Variants in SPAG16 observed in about 807,000 individuals in gnomAD.
SPAG16 encodes sperm associated antigen 16.
Under a neutral mutation model 80.4 loss-of-function variants are expected in SPAG16, and 86 were observed. That is an observed-to-expected ratio of 1.07 (90% CI 0.90 to 1.28). The LOEUF is 1.28. Among genes scored for constraint, SPAG16 ranks in the 50% most tolerant of loss-of-function variants. The pLI is 0.00. For missense variants in SPAG16, 870 were observed against 765.3 expected (o/e 1.14, Z -1.61); for synonymous variants, 294 against 265.9 (o/e 1.11, Z -1.03).
At chr2:213,970,347 C>A (rs1013529658) in intron 12 of SPAG16, among the ~76,000 whole-genome samples, 25 of 150,748 alleles carry the variant, frequency 1.7e-4, no homozygotes. Flanking sequence ...TATTGTGTTA[C>A]CCAGGCTGGA....
At chr2:213,541,820 G>A (rs149422971) in intron 10 of SPAG16, among the ~76,000 whole-genome samples, 1 of 151,768 alleles carries the variant, frequency 6.6e-6, no homozygotes, top group Non-Finnish European at 1.5e-5. Context: ...TCTATAGAAA[G>A]AAATGTTTTT....
intron 10 of SPAG16, among the ~76,000 whole-genome samples, chr2:213,802,818 G>A (rs762382054): frequency 6.6e-6 from 1 of 151,770 alleles, no homozygotes; most frequent in Non-Finnish European, 1.5e-5. Flanking sequence ...TAATCTTAAT[G>A]TCTTCCTTTC....
At chr2:213,325,444 T>G (rs1430819283) in intron 5 of SPAG16, among the ~76,000 whole-genome samples, 1 of 152,104 alleles carries the variant, frequency 6.6e-6, no homozygotes, top group Non-Finnish European at 1.5e-5. Context: ...TACATAATTG[T>G]TCTGGCACCA....
chr2:214,103,283 A>G (rs2125384793), intron 13 of SPAG16, among the ~76,000 whole-genome samples: 1 of 152,254 alleles, frequency 6.6e-6, no homozygotes, highest in Admixed American at 6.5e-5. Context: ...ATATTGTGGA[A>G]CCATCACCCA....
rs11886640 is a variant in SPAG16, at chr2:214,181,675, C to T, written c.1720+32409C>T. Among the ~76,000 whole-genome samples, 1,126 of 151,914 alleles carry T rather than the reference C, an allele frequency of 7.4e-3. 18 individuals carry two copies. Among genetic ancestry groups the T allele is most frequent in the African/African-American group, 0.025 (1,040 of 41,480 alleles). On this transcript the variant is annotated intron_variant, in intron 15 of 15. Coordinates refer to ENST00000331683, the MANE Select transcript of SPAG16 (RefSeq NM_024532.5). Reference sequence around the variant, plus strand: ...TTCTTTACACATCTAAGTTTAAATTCCATAAAGCAAAGAGTCTTGCAATTC... The same window carrying T: ...TTCTTTACACATCTAAGTTTAAATTTCATAAAGCAAAGAGTCTTGCAATTC...
At chr2:213,573,475 C>T (rs2060003569) in intron 10 of SPAG16, among the ~76,000 whole-genome samples, 2 of 152,154 alleles carry the variant, frequency 1.3e-5, no homozygotes, top group South Asian at 4.1e-4. Context: ...TGTGATTGAT[C>T]TCTGTTGTTT....
chr2:214,172,984 A>G (rs1446536914), intron 15 of SPAG16, among the ~76,000 whole-genome samples: 1 of 151,796 alleles, frequency 6.6e-6, no homozygotes, highest in Non-Finnish European at 1.5e-5. Context: ...TTCATTGTAG[A>G]TTCTGGATAT....
intron 9 of SPAG16, among the ~76,000 whole-genome samples, chr2:213,483,150 C>A (rs986655454): frequency 1.3e-5 from 2 of 152,048 alleles, no homozygotes; most frequent in African/African-American, 4.8e-5. Context: ...AATAATGTTT[C>A]ATCATCTGGA....
chr2:213,800,965 C>G (rs1338963817), intron 10 of SPAG16, among the ~76,000 whole-genome samples: 1 of 152,138 alleles, frequency 6.6e-6, no homozygotes, highest in Non-Finnish European at 1.5e-5. Flanking sequence ...TAGCTTTATT[C>G]TCTCATTGAT....
At chr2:213,371,816 A>G (rs912187399) in intron 8 of SPAG16, among the ~76,000 whole-genome samples, 2 of 152,174 alleles carry the variant, frequency 1.3e-5, no homozygotes, top group Non-Finnish European at 2.9e-5. Flanking sequence ...AGTGACGTTT[A>G]TTATAGAAAA....
intron 13 of SPAG16, among the ~76,000 whole-genome samples, chr2:214,034,354 G>A (rs2125062851): frequency 6.6e-6 from 1 of 152,356 alleles, no homozygotes; most frequent in South Asian, 2.1e-4. Context: ...AATATCCCAT[G>A]TGTTCTCCAG....
intron 15 of SPAG16, among the ~76,000 whole-genome samples, chr2:214,388,754 T>C (rs529512846): frequency 6.6e-6 from 1 of 152,342 alleles, no homozygotes; most frequent in African/African-American, 2.4e-5. Flanking sequence ...AAAAAAGGAA[T>C]TTTTTGGATG....
chr2:213,366,259 C>G (rs1490519077), intron 8 of SPAG16, among the ~76,000 whole-genome samples: 1 of 150,940 alleles, frequency 6.6e-6, no homozygotes, highest in Admixed American at 6.6e-5. Context: ...AATACTTAAA[C>G]AAATGATGGC....
intron 15 of SPAG16, among the ~76,000 whole-genome samples, chr2:214,361,211 A>G (rs1470293516): frequency 6.6e-6 from 1 of 151,862 alleles, no homozygotes; most frequent in Non-Finnish European, 1.5e-5. Context: ...GTATCATTTT[A>G]TGACCCCCAG....
chr2:214,269,495 T>G (rs1431753722), intron 15 of SPAG16, among the ~76,000 whole-genome samples: 1 of 152,048 alleles, frequency 6.6e-6, no homozygotes, highest in Non-Finnish European at 1.5e-5. Context: ...ACATTATTAT[T>G]TATTTTTTGA....
intron 13 of SPAG16, among the ~76,000 whole-genome samples, chr2:214,107,193 C>A (rs540100639): frequency 8.5e-5 from 13 of 152,254 alleles, no homozygotes; most frequent in African/African-American, 3.1e-4. Flanking sequence ...TTATTATCTT[C>A]TAGTACATTT....
chr2:213,559,283 G>A (rs2059528180), intron 10 of SPAG16, among the ~76,000 whole-genome samples: 1 of 152,092 alleles, frequency 6.6e-6, no homozygotes, highest in African/African-American at 2.4e-5. Context: ...ACTGAGAGAT[G>A]TCAGCAGGTG....
intron 10 of SPAG16, among the ~76,000 whole-genome samples, chr2:213,857,304 A>T (rs2372268): frequency 0.34 from 52,067 of 151,854 alleles, 9,322 homozygotes; most frequent in South Asian, 0.47. Context: ...CTAGAGAGGT[A>T]AAGTCAATGC....
intron 1 of SPAG16, among the ~76,000 whole-genome samples, chr2:213,293,001 C>G (rs923076153): frequency 6.6e-6 from 1 of 152,174 alleles, no homozygotes; most frequent in African/African-American, 2.4e-5. Flanking sequence ...TGTCCCCACC[C>G]TAATCTCACC....
Sources: allele counts gnomAD v4.1 joint callset (sites outside exome capture counted in the v4.1 genomes callset), GRCh38; gene constraint gnomAD v4.1.1; transcripts MANE v1.5; gene names NCBI Gene and HGNC (gene_info 2026-07-23, HGNC 2026-07-21).